The following TDO2 variants were observed in gnomAD, a reference collection of about 807,000 sequenced individuals.
TDO2 encodes tryptophan 2,3-dioxygenase, also known as tryptamin 2,3-dioxygenase.
TDO2 carries 63 observed loss-of-function variants against 61.2 expected under a neutral mutation model. The ratio of observed to expected loss-of-function variants is 1.03; its 90% confidence interval spans 0.84 to 1.27. The LOEUF (loss-of-function observed/expected upper bound fraction) is 1.27. Ranked by LOEUF, TDO2 falls within the 50% of genes most tolerant of loss-of-function variation. The pLI is 0.00. For synonymous variants in TDO2, 183 were observed against 164.0 expected, an observed-to-expected ratio of 1.12 and a Z score of -0.89; for missense variants, 494 against 469.5, an observed-to-expected ratio of 1.05 and a Z score of -0.48.
chr4:155,918,287 TTG>T, intron 11 of TDO2, 48 bp downstream of exon 11: 1 of 1,575,080 alleles, frequency 6.3e-7, no homozygotes, highest in Non-Finnish European at 8.7e-7. Flanking sequence ...CACCAACAAT[TTG>T]TTTCTCCACC....
intron 3 of TDO2, chr4:155,906,010 A>C (rs1393095799): frequency 1.3e-5 from 2 of 152,208 alleles, no homozygotes; most frequent in African/African-American, 4.8e-5. Context: ...CAATATCAAT[A>C]GGAGAAGAAT....
chr4:155,910,310 A>T, intron 6 of TDO2, 99 bp downstream of exon 6: 10 of 819,404 alleles, frequency 1.2e-5, no homozygotes, highest in Non-Finnish European at 1.7e-5. Flanking sequence ...AAACTGAGTT[A>T]CATTCAGTGG....
chr4:155,914,305 G>A lies in TDO2; in HGVS notation c.727-18G>A. 1 of 1,576,624 alleles carries A rather than the reference G, an allele frequency of 6.3e-7. No individual in the cohort carries two copies. The highest frequency in any genetic ancestry group is 8.6e-7 in the Non-Finnish European group (1 of 1,159,276). On this transcript the variant is annotated intron_variant, in intron 7 of 11. Transcript: ENST00000536354. The stretch of plus-strand genomic sequence containing the variant: ...CTTATTCTCTCTCAGGACTATTAAT[G>A]CCATATTTTTCCTAAAGGCTAAAGA...
In TDO2 at chr4:155,914,395, T is replaced by G; in HGVS notation, c.799T>G (p.Leu267Val). ...GAAGCAAAAAGAGGTGCTACTGTCCTTATTTGATGAGAAACGTCATGAACA... is the reference window on the plus strand; with the variant it reads ...GAAGCAAAAAGAGGTGCTACTGTCCGTATTTGATGAGAAACGTCATGAACA... ...FQKQKEVLLS[L>V]FDEKRHEHLL... is the part of the protein sequence containing the mutation. Residue 267 changes from leucine to valine, a missense_variant, in exon 8 of 12, where the codon TTA becomes GTA. Physicochemically the swap from Leu to Val is conservative, Grantham distance 32. Coordinates refer to ENST00000536354, the MANE Select transcript of TDO2 (RefSeq NM_005651.4). 1 of 1,602,162 alleles carries G rather than the reference T, an allele frequency of 6.2e-7. No individual in the cohort carries two copies.
Position 155,919,951 on chromosome 4 carries a change from C to T in TDO2, c.1182C>T (p.Tyr394=). 6.8e-6 allele frequency: 11 copies of T among 1,613,632 alleles called. No homozygotes were observed. The highest frequency in any genetic ancestry group is 9.3e-6 in the Non-Finnish European group (11 of 1,179,722). Residue 394 remains tyrosine (Y), a synonymous_variant, in exon 12 of 12, where the codon TAC becomes TAT. Coordinates refer to ENST00000536354, the MANE Select transcript of TDO2 (RefSeq NM_005651.4). ...TIHKFLYTAE[Y]CDSSYFSSDE... ...ACAAATTTCTATATACAGCAGAATA[C>T]TGTGATAGCTCCTACTTCAGCAGTG...
chr4:155,905,045 G>A (rs1476785079), intron 2 of TDO2, 22 bp from the exon 3 acceptor site: 8 of 1,542,250 alleles, frequency 5.2e-6, no homozygotes, highest in Non-Finnish European at 7.0e-6. Flanking sequence ...TTTCAGACAG[G>A]CTTTTTATTT....
chr4:155,908,064 G>A (rs914389795), intron 4 of TDO2, among the ~76,000 whole-genome samples: 2 of 152,166 alleles, frequency 1.3e-5, no homozygotes, highest in Admixed American at 6.5e-5. Flanking sequence ...AATGATGGTG[G>A]ATTACCAAGC....
chr4:155,903,840 T>A (rs765274359), intron 1 of TDO2, 47 bp downstream of exon 1: 2 of 1,602,666 alleles, frequency 1.2e-6, no homozygotes, highest in African/African-American at 2.7e-5. Flanking sequence ...TTTAGAAGTA[T>A]CAGGTGTGAG....
rs112628414 is a variant in TDO2 at position 155,909,359 on chromosome 4, C to T, written c.431+345C>T. ...AAGATATAAAAACTCAAAACAGGAG[C>T]GATATATACAGAAGCATGTCAATCA... On this transcript the variant is annotated intron_variant, in intron 5 of 11. Transcript: ENST00000536354. Among the ~76,000 whole-genome samples, 794 of 151,998 alleles carry T rather than the reference C, an allele frequency of 5.2e-3. 4 individuals carry two copies. Among genetic ancestry groups the T allele is most frequent in the African/African-American group, 0.018 (755 of 41,456 alleles).
At chr4:155,910,506 T>TA (rs1742811127) in intron 6 of TDO2, among the ~76,000 whole-genome samples, 2 of 152,240 alleles carry the variant, frequency 1.3e-5, no homozygotes, top group East Asian at 3.9e-4. Flanking sequence ...AAGTAACACT[T>TA]AATTAGCTGA....
At chr4:155,913,016 C>G (rs550157426) in intron 7 of TDO2, among the ~76,000 whole-genome samples, 16 of 152,232 alleles carry the variant, frequency 1.1e-4, no homozygotes, top group African/African-American at 3.4e-4. Context: ...CAAGTCCTAC[C>G]AATGTTACCT....
At chr4:155,917,764 A>G (rs1247944827) in intron 10 of TDO2, among the ~76,000 whole-genome samples, 1 of 152,262 alleles carries the variant, frequency 6.6e-6, no homozygotes, top group Non-Finnish European at 1.5e-5. Flanking sequence ...AAGTTTTATT[A>G]CATAAGAGTA....
chr4:155,914,733 G>A (rs760601154), intron 8 of TDO2, among the ~76,000 whole-genome samples: 7 of 152,080 alleles, frequency 4.6e-5, no homozygotes, highest in African/African-American at 7.2e-5. Context: ...GGACAGAAAT[G>A]AAGACAAATC....
In TDO2 at chr4:155,914,368, C is replaced by G. The variant is rs558092606; in HGVS notation, c.772C>G (p.Gln258Glu). 5.6e-5 allele frequency: 90 copies of G among 1,607,224 alleles called. No individual in the cohort carries two copies. The highest frequency in any genetic ancestry group is 7.4e-5 in the Non-Finnish European group (87 of 1,178,238). ...EEKEEQVAEF[Q>E]KQKEVLLSLF... ...AAAAGAGGAACAGGTGGCTGAATTT[C>G]AGAAGCAAAAAGAGGTGCTACTGTC... Residue 258 changes from glutamine (Q) to glutamate (E), a missense_variant, in exon 8 of 12, where the codon CAG (glutamine) becomes GAG (glutamate). Coordinates refer to ENST00000536354, the MANE Select transcript of TDO2 (RefSeq NM_005651.4).
At chr4:155,903,956 A>G (rs1742671394) in intron 1 of TDO2, 62 bp from the exon 2 acceptor site, 5 of 1,502,654 alleles carry the variant, frequency 3.3e-6, no homozygotes, top group Non-Finnish European at 3.7e-6. Flanking sequence ...AATCACCCAT[A>G]TCATTAGTTA....
intron 4 of TDO2, among the ~76,000 whole-genome samples, chr4:155,908,205 G>A (rs1742755101): frequency 6.6e-6 from 1 of 152,002 alleles, no homozygotes; most frequent in African/African-American, 2.4e-5. Context: ...AGTGGTGGGA[G>A]GAAGAAAAAG....
At chr4:155,919,307 T>C (rs1743001870) in intron 11 of TDO2, among the ~76,000 whole-genome samples, 1 of 152,216 alleles carries the variant, frequency 6.6e-6, no homozygotes, top group African/African-American at 2.4e-5. Flanking sequence ...TCTTCCTCCA[T>C]AAAACTGCAA....
Position 155,903,977 on chromosome 4 carries a change from C to G in TDO2, c.36-41C>G. 3 of 1,577,694 alleles carry G rather than the reference C, an allele frequency of 1.9e-6. No individual in the cohort carries two copies. The South Asian group carries it at 3.3e-5, about 18-fold the overall frequency. On this transcript the variant is annotated intron_variant, in intron 1 of 11. Transcript: ENST00000536354. ...CCATATCATTAGTTAACTGTGTTTT[C>G]TAAAGCACTATTTTTCCCTCTTGAT...
chr4:155,910,294 A>T (rs1189029543), intron 6 of TDO2, 83 bp downstream of exon 6: 1 of 1,030,146 alleles, frequency 9.7e-7, no homozygotes, highest in Admixed American at 3.0e-5. Context: ...TTAAAAACGT[A>T]TATCGAAACT....
Sources: allele counts gnomAD v4.1 joint callset (sites outside exome capture counted in the v4.1 genomes callset), GRCh38; gene constraint gnomAD v4.1.1; transcripts MANE v1.5; gene names NCBI Gene and HGNC (gene_info 2026-07-23, HGNC 2026-07-21).